The following DLGAP2 variants were observed in gnomAD, a reference collection of about 807,000 sequenced individuals.
DLGAP2 encodes the protein DLG associated protein 2, also known as disks large-associated protein 2.
In DLGAP2, 26 loss-of-function variants were observed where a neutral mutation model predicts 100.3. That is an observed-to-expected ratio of 0.26 (90% CI 0.19 to 0.36). The LOEUF (loss-of-function observed/expected upper bound fraction) is 0.36. Among genes scored for constraint, DLGAP2 ranks in the 10% least tolerant of loss-of-function variants. DLGAP2 has a pLI of 1.00. For missense variants in DLGAP2, 1,858 were observed against 1,453.2 expected, an observed-to-expected ratio of 1.28 and a Z score of -4.53; for synonymous variants, 886 against 630.1, an observed-to-expected ratio of 1.41 and a Z score of -6.08.
At chr8:1,506,939 A>G (rs1034768438) in intron 4 of DLGAP2, among the ~76,000 whole-genome samples, 2 of 152,200 alleles carry the variant, frequency 1.3e-5, no homozygotes, top group Non-Finnish European at 2.9e-5. Flanking sequence ...AGCTAGACAT[A>G]AAAGTTCTCC....
intron 3 of DLGAP2, chr8:1,381,462 T>C (rs1027024305): frequency 2.0e-5 from 3 of 152,268 alleles, no homozygotes; most frequent in African/African-American, 7.2e-5. Flanking sequence ...CCTTGTGCAG[T>C]GATGACCACA....
chr8:1,165,620 G>A (rs774405250), intron 2 of DLGAP2, among the ~76,000 whole-genome samples: 7 of 152,210 alleles, frequency 4.6e-5, no homozygotes, highest in Admixed American at 1.3e-4. Flanking sequence ...TTGTGCAGTC[G>A]CTGCGTGTGA....
At chr8:1,513,101 C>T (rs1055509983) in intron 4 of DLGAP2, among the ~76,000 whole-genome samples, 12 of 141,086 alleles carry the variant, frequency 8.5e-5, no homozygotes, top group Non-Finnish European at 1.5e-4. Context: ...CAGGGCAAGA[C>T]GGGAGAGGCC....
At chr8:1,439,395 G>A (rs1797758496) in intron 3 of DLGAP2, among the ~76,000 whole-genome samples, 1 of 152,148 alleles carries the variant, frequency 6.6e-6, no homozygotes. Context: ...CGTGTACCCT[G>A]TGCCCTCCGG....
Position 1,288,028 on chromosome 8 carries a change from G to C in DLGAP2, c.106+29145G>C, listed in dbSNP as rs1171218223. Reference sequence around the variant, plus strand: ...TGGTTCTGTTAGGGGGACTAGTTTCGGTTGAGTGTGTGTGTGTGTGTGTAT... The same window carrying C: ...TGGTTCTGTTAGGGGGACTAGTTTCCGTTGAGTGTGTGTGTGTGTGTGTAT... On this transcript the variant is annotated intron_variant, in intron 3 of 14. Transcript: ENST00000637795. Among the ~76,000 whole-genome samples the C allele has an allele frequency of 1.5e-4, 8 of 55,104 alleles. No homozygotes were observed. In the Admixed American group the frequency reaches 1.8e-3, roughly 12 times the overall value. 36.2% of individuals were successfully genotyped at this position (55,104 alleles called of 152,430 possible).
chr8:1,267,608 T>TAATAAAATAAA (rs1205109559), intron 3 of DLGAP2, among the ~76,000 whole-genome samples: 3 of 99,038 alleles, frequency 3.0e-5, no homozygotes, highest in East Asian at 5.7e-4. Flanking sequence ...TAAGATAAGA[T>TAATAAAATAAA]AAGATAAGAT....
intron 4 of DLGAP2, among the ~76,000 whole-genome samples, chr8:1,526,594 T>C (rs1245512795): frequency 6.6e-6 from 1 of 152,136 alleles, no homozygotes; most frequent in African/African-American, 2.4e-5. Flanking sequence ...CGGTGGTGAG[T>C]CCTGGCTGAC....
chr8:1,551,476 C>A (rs186380589), intron 5 of DLGAP2, among the ~76,000 whole-genome samples: 1 of 152,174 alleles, frequency 6.6e-6, no homozygotes, highest in African/African-American at 2.4e-5. Flanking sequence ...TGCGCCTTCT[C>A]CACAGGTCCT....
intron 1 of DLGAP2, among the ~76,000 whole-genome samples, chr8:787,864 G>C (rs2132634773): frequency 1.3e-5 from 2 of 152,338 alleles, no homozygotes; most frequent in South Asian, 2.1e-4. Flanking sequence ...GTGAGGTGAG[G>C]GATGAGGGGT....
chr8:1,575,904 T>C (rs920693652), intron 6 of DLGAP2, among the ~76,000 whole-genome samples: 1 of 152,080 alleles, frequency 6.6e-6, no homozygotes, highest in African/African-American at 2.4e-5. Context: ...TCTTTGCTAT[T>C]GTGAATAGTG....
intron 2 of DLGAP2, among the ~76,000 whole-genome samples, chr8:1,250,806 C>T (rs964680037): frequency 3.9e-5 from 6 of 152,168 alleles, no homozygotes; most frequent in African/African-American, 1.2e-4. Flanking sequence ...TATTAATTAA[C>T]ATTGGAGCAC....
intron 3 of DLGAP2, among the ~76,000 whole-genome samples, chr8:1,463,249 A>C (rs1015590151): frequency 2.0e-5 from 3 of 152,206 alleles, no homozygotes; most frequent in African/African-American, 7.2e-5. Flanking sequence ...AATCTGTCTC[A>C]AAAAAACAAA....
chr8:924,568 G>A (rs942514869), intron 2 of DLGAP2, among the ~76,000 whole-genome samples: 2 of 151,936 alleles, frequency 1.3e-5, no homozygotes, highest in Non-Finnish European at 1.5e-5. Flanking sequence ...TGCTTATCCC[G>A]GTTATTCTTT....
chr8:1,357,477 T>C lies in DLGAP2; in HGVS notation c.106+98594T>C, dbSNP rs59254334. On this transcript the variant is annotated intron_variant, in intron 3 of 14. Coordinates refer to ENST00000637795, the MANE Select transcript of DLGAP2 (RefSeq NM_001346810.2). ...CAGGAGTCGTCTAATGTACAGTGAC[T>C]GCTATTCCTATTGCTGGTGAGTGAG... 9.1e-3 allele frequency among the ~76,000 whole-genome samples: 1,375 copies of C among 151,842 alleles called. 21 individuals carry two copies. The highest frequency in any genetic ancestry group is 0.032 in the African/African-American group (1,323 of 41,402).
intron 2 of DLGAP2, among the ~76,000 whole-genome samples, chr8:941,876 C>T (rs1301766654): frequency 6.6e-6 from 1 of 151,862 alleles, no homozygotes; most frequent in African/African-American, 2.4e-5. Context: ...TTTACTGAAA[C>T]CTCTGGCATT....
chr8:773,552 G>T (rs1210610041), intron 1 of DLGAP2, among the ~76,000 whole-genome samples: 2 of 138,346 alleles, frequency 1.4e-5, no homozygotes, highest in African/African-American at 5.5e-5. Flanking sequence ...CTGTGTCCAT[G>T]TGATCTCATT....
chr8:1,509,107 C>T (rs1223012201), intron 4 of DLGAP2, among the ~76,000 whole-genome samples: 3 of 151,880 alleles, frequency 2.0e-5, no homozygotes, highest in Non-Finnish European at 2.9e-5. Flanking sequence ...CCGAGGCGGG[C>T]GGATCACGAG....
At chr8:1,194,365 G>T (rs935827) in intron 2 of DLGAP2, among the ~76,000 whole-genome samples, 76,118 of 151,668 alleles carry the variant, frequency 0.5, 20,164 homozygotes, top group Admixed American at 0.59. Context: ...GTCAGTGGTC[G>T]GTTGGCGGCC....
chr8:1,155,110 C>A (rs1377107210), intron 2 of DLGAP2, among the ~76,000 whole-genome samples: 2 of 152,218 alleles, frequency 1.3e-5, no homozygotes, highest in Non-Finnish European at 2.9e-5. Context: ...TTAAACCCTG[C>A]CTGGGTCCCG....
Sources: allele counts gnomAD v4.1 joint callset (sites outside exome capture counted in the v4.1 genomes callset), GRCh38; gene constraint gnomAD v4.1.1; transcripts MANE v1.5; gene names NCBI Gene and HGNC (gene_info 2026-07-23, HGNC 2026-07-21).